Variants in USP25 observed in about 807,000 individuals in gnomAD.
USP25 encodes ubiquitin carboxyl-terminal hydrolase 25.
USP25 carries 85 observed loss-of-function variants against 158.5 expected under a neutral mutation model. The ratio of observed to expected loss-of-function variants is 0.54; its 90% CI spans 0.45 to 0.64. USP25 has a LOEUF of 0.64. Ranked by LOEUF, USP25 falls within the 30% of genes least tolerant of loss-of-function variation. USP25 has a pLI of 0.00. For synonymous variants in USP25, 464 were observed against 460.4 expected, an observed-to-expected ratio of 1.01 and a Z score of -0.10; for missense variants, 1,242 against 1,327.3, an observed-to-expected ratio of 0.94 and a Z score of 1.00.
intron 4 of USP25, among the ~76,000 whole-genome samples, chr21:15,784,106 A>G (rs1318489774): frequency 6.6e-6 from 1 of 152,276 alleles, no homozygotes; most frequent in Non-Finnish European, 1.5e-5. Flanking sequence ...TAATACCATG[A>G]AAATATGTGA....
intron 1 of USP25, among the ~76,000 whole-genome samples, chr21:15,737,655 G>T (rs111999537): frequency 1.3e-5 from 2 of 151,634 alleles, no homozygotes; most frequent in South Asian, 2.1e-4. Context: ...GAAGGTAGTC[G>T]TCTGTATTTT....
rs184543639 is a variant in USP25, at chr21:15,752,933, C to A, written c.46-9958C>A. On this transcript the variant is annotated intron_variant, in intron 1 of 25. Coordinates refer to ENST00000400183, the MANE Select transcript of USP25 (RefSeq NM_001283041.3). ...TGCAGCATACCTGAACCATTTGTTACCCGCCAAAAACTTGAAAACCAGGAT... is the reference window on the plus strand; with the variant it reads ...TGCAGCATACCTGAACCATTTGTTAACCGCCAAAAACTTGAAAACCAGGAT... 1.6e-3 allele frequency among the ~76,000 whole-genome samples: 236 copies of A among 152,246 alleles called. 1 individual carries two copies. The highest frequency in any genetic ancestry group is 6.0e-3 in the East Asian group (31 of 5,182).
At chr21:15,747,683 C>T (rs1215643491) in intron 1 of USP25, among the ~76,000 whole-genome samples, 1 of 152,068 alleles carries the variant, frequency 6.6e-6, no homozygotes, top group African/African-American at 2.4e-5. Flanking sequence ...GTAGTATACA[C>T]AGTGTGGATA....
chr21:15,774,153 A>T (rs1002980869), intron 3 of USP25, among the ~76,000 whole-genome samples: 1 of 152,232 alleles, frequency 6.6e-6, no homozygotes, highest in Non-Finnish European at 1.5e-5. Context: ...CACATCAGTT[A>T]TTCTATGGTG....
chr21:15,761,357 T>A (rs1359640886), intron 1 of USP25, among the ~76,000 whole-genome samples: 1 of 151,710 alleles, frequency 6.6e-6, no homozygotes, highest in Non-Finnish European at 1.5e-5. Context: ...TAGGCGGTGG[T>A]CAGGCTGTTA....
At position 15,847,707 on chromosome 21, in the gene USP25, T is replaced by TG. The variant is rs2038689111; in HGVS notation, c.2383dup (p.Val795GlyfsTer14). On this transcript the variant is annotated frameshift_variant, in exon 19 of 26. Coordinates refer to ENST00000400183, the MANE Select transcript of USP25 (RefSeq NM_001283041.3). LOFTEE classifies it high-confidence loss of function. Reference sequence around the variant, plus strand: ...GCCAACCACTTTCTAATCAGCGAGTTGTAGAGGTGGCGATCCCTCATGTAG... The same window carrying TG: ...GCCAACCACTTTCTAATCAGCGAGTTGGTAGAGGTGGCGATCCCTCATGTAG... The TG allele has an allele frequency of 6.5e-7, 1 of 1,550,134 alleles. No individual in the cohort carries two copies. Among genetic ancestry groups the TG allele is most frequent in the Admixed American group, 2.0e-5 (1 of 50,988 alleles).
chr21:15,762,142 A>ACCAGCATGGCACATGTATACATATGT (rs1555827614), intron 1 of USP25, among the ~76,000 whole-genome samples: 18 of 151,288 alleles, frequency 1.2e-4, no homozygotes, highest in South Asian at 4.2e-4. Context: ...AAAAGATTTC[A>ACCAGCATGGCACATGTATACATATGT]ATAGATCCTA....
At chr21:15,785,936 G>A (rs367814988) in intron 4 of USP25, among the ~76,000 whole-genome samples, 2 of 150,276 alleles carry the variant, frequency 1.3e-5, no homozygotes, top group Admixed American at 6.6e-5. Flanking sequence ...AAAAAGACTC[G>A]AATAAATAAA....
At chr21:15,825,114 G>T (rs552763956) in intron 12 of USP25, 53 bp downstream of exon 12, 181 of 1,339,862 alleles carry the variant, frequency 1.4e-4, no homozygotes, top group Admixed American at 2.6e-4. Flanking sequence ...CATGTATTTG[G>T]TGACTAGATT....
rs2036321568 is a variant in USP25 at position 15,805,206 on chromosome 21, C to T, written c.728C>T (p.Ser243Leu). ...ACCAAAAGGAAGTATGTTGATCCAT[C>T]AAGAGCAGTTGAAATTCTTAAGGAT... ...VGTKRKYVDP[S>L]RAVEILKDAF... The change falls in exon 7 of 26, where the codon TCA becomes TTA. Residue 243 changes from serine (S) to leucine (L), a missense_variant. Ser to Leu is a moderately radical substitution (Grantham distance 145). Transcript: ENST00000400183. 5 of 1,608,528 alleles carry T rather than the reference C, an allele frequency of 3.1e-6. No individual in the cohort carries two copies. The highest frequency in any genetic ancestry group is 4.2e-6 in the Non-Finnish European group (5 of 1,177,844).
intron 3 of USP25, among the ~76,000 whole-genome samples, chr21:15,776,166 G>T (rs2034645581): frequency 6.6e-6 from 1 of 152,046 alleles, no homozygotes; most frequent in South Asian, 2.1e-4. Flanking sequence ...GGTCTGGGTG[G>T]ACTTGGATTT....
At chr21:15,763,349 T>G (rs941644785) in intron 2 of USP25, among the ~76,000 whole-genome samples, 15 of 152,058 alleles carry the variant, frequency 9.9e-5, no homozygotes, top group African/African-American at 3.6e-4. Context: ...AAGTAGAAAA[T>G]TAATAGAAGT....
intron 6 of USP25, among the ~76,000 whole-genome samples, chr21:15,803,189 A>G (rs2036215515): frequency 6.6e-6 from 1 of 151,780 alleles, no homozygotes; most frequent in Non-Finnish European, 1.5e-5. Flanking sequence ...TAAAGAACAA[A>G]TGATAACAAT....
At chr21:15,815,512 A>G (rs1407324748) in intron 9 of USP25, among the ~76,000 whole-genome samples, 1 of 152,206 alleles carries the variant, frequency 6.6e-6, no homozygotes, top group Non-Finnish European at 1.5e-5. Flanking sequence ...GCAAAGCCAC[A>G]GGGGCGGAGC....
intron 9 of USP25, among the ~76,000 whole-genome samples, chr21:15,813,724 C>T (rs964805143): frequency 6.6e-6 from 1 of 152,142 alleles, no homozygotes; most frequent in Non-Finnish European, 1.5e-5. Context: ...AATACCCTCT[C>T]TTGATTCTTA....
At chr21:15,837,510 G>A (rs910712727) in intron 17 of USP25, among the ~76,000 whole-genome samples, 3 of 152,188 alleles carry the variant, frequency 2.0e-5, no homozygotes, top group African/African-American at 7.2e-5. Context: ...TCTGGAGAAA[G>A]GATCTGATAC....
intron 14 of USP25, among the ~76,000 whole-genome samples, chr21:15,828,210 T>A (rs1008971930): frequency 6.6e-6 from 1 of 152,204 alleles, no homozygotes; most frequent in Non-Finnish European, 1.5e-5. Flanking sequence ...CTGTCAAGAT[T>A]TTCTTTAGTA....
intron 1 of USP25, among the ~76,000 whole-genome samples, chr21:15,744,618 C>T (rs944737134): frequency 7.0e-6 from 1 of 142,578 alleles, no homozygotes; most frequent in Admixed American, 6.9e-5. Flanking sequence ...GGCAGAGCTT[C>T]GTTCTTGTTG....
intron 10 of USP25, among the ~76,000 whole-genome samples, chr21:15,820,692 A>G (rs2037187463): frequency 6.6e-6 from 1 of 152,028 alleles, no homozygotes; most frequent in Admixed American, 6.6e-5. Flanking sequence ...TAGAAAAAGT[A>G]TTCTTGAATC....
Sources: allele counts gnomAD v4.1 joint callset (sites outside exome capture counted in the v4.1 genomes callset), GRCh38; gene constraint gnomAD v4.1.1; transcripts MANE v1.5; gene names NCBI Gene and HGNC (gene_info 2026-07-23, HGNC 2026-07-21).